DLG2: variants seen among roughly 807,000 people sequenced by gnomAD.
The protein encoded by DLG2 is discs large MAGUK scaffold protein 2.
Under a neutral mutation model 132.5 loss-of-function variants are expected in DLG2, and 45 were observed. That is an observed-to-expected ratio of 0.34 (90% CI 0.27 to 0.44). DLG2 has a LOEUF of 0.44. Among genes scored for constraint, DLG2 ranks in the 20% least tolerant of loss-of-function variants. DLG2 has a pLI of 1.00. For missense variants in DLG2, 1,045 were observed against 1,196.9 expected (o/e 0.87, Z 1.87); for synonymous variants, 424 against 419.6 (o/e 1.01, Z -0.13).
intron 18 of DLG2, among the ~76,000 whole-genome samples, chr11:83,673,353 G>T (rs2077148990): frequency 6.6e-6 from 1 of 152,080 alleles, no homozygotes; most frequent in Non-Finnish European, 1.5e-5. Flanking sequence ...GTGTTTTATT[G>T]CTTTTTCTAA....
chr11:85,586,473 C>T (rs1223258656), intron 3 of DLG2, among the ~76,000 whole-genome samples: 1 of 152,154 alleles, frequency 6.6e-6, no homozygotes, highest in Non-Finnish European at 1.5e-5. Flanking sequence ...ATCTCCTCTA[C>T]ATTTTCTAGT....
chr11:84,625,507 C>T (rs1231165622), intron 6 of DLG2, among the ~76,000 whole-genome samples: 1 of 152,204 alleles, frequency 6.6e-6, no homozygotes, highest in Non-Finnish European at 1.5e-5. Context: ...CTTCTGGGAG[C>T]ATCTGCTTGT....
intron 11 of DLG2, among the ~76,000 whole-genome samples, chr11:83,997,730 CAAAAAAAAAAAAAAAAAAAAAA>C (rs71066079): frequency 4.0e-5 from 1 of 24,774 alleles, no homozygotes; most frequent in Non-Finnish European, 6.9e-5. Context: ...GACTCCATCT[CAAAAAAAAAAAAAAAAAAAAAA>C]AAAAAAAAAA....
intron 7 of DLG2, among the ~76,000 whole-genome samples, chr11:84,413,271 T>C (rs894683126): frequency 2.6e-5 from 4 of 152,186 alleles, no homozygotes; most frequent in Non-Finnish European, 5.9e-5. Flanking sequence ...TCCACCTGAA[T>C]CTGCTGATAT....
chr11:83,589,264 G>A (rs1299509187), intron 19 of DLG2, among the ~76,000 whole-genome samples: 7 of 151,064 alleles, frequency 4.6e-5, no homozygotes, highest in Admixed American at 1.3e-4. Context: ...CCCTCAAAGG[G>A]AAGCCCATCA....
At chr11:83,780,493 T>G (rs991316411) in intron 18 of DLG2, among the ~76,000 whole-genome samples, 1 of 152,212 alleles carries the variant, frequency 6.6e-6, no homozygotes. Context: ...CTATTCAAAT[T>G]TTCAAATTTT....
chr11:84,617,847 A>G (rs1457539972), intron 6 of DLG2, among the ~76,000 whole-genome samples: 10 of 152,152 alleles, frequency 6.6e-5, no homozygotes, highest in Non-Finnish European at 1.5e-4. Flanking sequence ...TATGCACTGG[A>G]AATCAAGGAA....
chr11:84,846,646 A>G (rs987650330), intron 6 of DLG2, among the ~76,000 whole-genome samples: 3 of 152,088 alleles, frequency 2.0e-5, no homozygotes, highest in African/African-American at 7.2e-5. Flanking sequence ...TATTGCCCCC[A>G]ATCAATCCTG....
intron 16 of DLG2, among the ~76,000 whole-genome samples, chr11:83,866,987 C>T (rs976355381): frequency 6.6e-6 from 1 of 152,156 alleles, no homozygotes; most frequent in South Asian, 2.1e-4. Flanking sequence ...TAATTCGGTA[C>T]ATTTCAAGGT....
At chr11:85,082,636 G>C (rs943328912) in intron 6 of DLG2, among the ~76,000 whole-genome samples, 4 of 151,764 alleles carry the variant, frequency 2.6e-5, no homozygotes, top group African/African-American at 7.3e-5. Context: ...AGCAAAAAGG[G>C]AAGGAGGAAA....
intron 6 of DLG2, among the ~76,000 whole-genome samples, chr11:84,666,548 T>C (rs2099699961): frequency 6.6e-6 from 1 of 151,942 alleles, no homozygotes; most frequent in South Asian, 2.1e-4. Flanking sequence ...GTCTGACACT[T>C]ACAGGAATCA....
chr11:84,558,804 T>C (rs1438114394), intron 6 of DLG2, among the ~76,000 whole-genome samples: 1 of 152,124 alleles, frequency 6.6e-6, no homozygotes, highest in African/African-American at 2.4e-5. Context: ...GGCTATTGAT[T>C]CCTTATCTTC....
chr11:84,478,759 C>T (rs1431124597), intron 7 of DLG2, among the ~76,000 whole-genome samples: 1 of 151,840 alleles, frequency 6.6e-6, no homozygotes, highest in African/African-American at 2.4e-5. Context: ...TTTTTTTCAA[C>T]ACAAAGTGTC....
intron 6 of DLG2, chr11:84,955,838 A>G (rs971625773): frequency 2.0e-5 from 3 of 152,236 alleles, no homozygotes; most frequent in Non-Finnish European, 2.9e-5. Flanking sequence ...GAAATAACTT[A>G]CAAATGGGTA....
In DLG2 at chr11:85,029,367, C is replaced by T. The variant is rs1048534547; in HGVS notation, c.357+82294G>A. Among the ~76,000 whole-genome samples, 7 of 152,312 alleles carry T rather than the reference C, an allele frequency of 4.6e-5. No homozygotes were observed. In the South Asian group the frequency reaches 8.3e-4, roughly 18 times the overall value. Reference sequence around the variant, plus strand: ...ATGTAGGTGACAATACAGGACTCTCCATGTGTCCACATGTCTTCACTGATG... The same window carrying T: ...ATGTAGGTGACAATACAGGACTCTCTATGTGTCCACATGTCTTCACTGATG... On this transcript the variant is annotated intron_variant, in intron 6 of 27. Transcript: ENST00000376104.
chr11:84,959,839 G>A lies in DLG2; in HGVS notation c.357+151822C>T, dbSNP rs535188773. The stretch of plus-strand genomic sequence containing the variant: ...ATATGAGTTGGATGTTCTCTTGGGC[G>A]TGGGAGAACTACAGGACAAAAGAAA... On this transcript the variant is annotated intron_variant, in intron 6 of 27. Coordinates refer to ENST00000376104, the MANE Select transcript of DLG2 (RefSeq NM_001142699.3). Among the ~76,000 whole-genome samples the A allele has an allele frequency of 6.6e-5, 10 of 152,190 alleles. No individual in the cohort carries two copies. In the East Asian group the frequency reaches 7.7e-4, roughly 12 times the overall value.
At chr11:85,498,994 A>T (rs564756686) in intron 3 of DLG2, among the ~76,000 whole-genome samples, 2 of 152,332 alleles carry the variant, frequency 1.3e-5, no homozygotes, top group East Asian at 3.9e-4. Context: ...AGCTGAAGAG[A>T]TCTAAAATCA....
chr11:84,308,783 C>G (rs1358487524), intron 7 of DLG2, among the ~76,000 whole-genome samples: 1 of 152,216 alleles, frequency 6.6e-6, no homozygotes, highest in East Asian at 1.9e-4. Flanking sequence ...GGCCCGGGTG[C>G]TAAGCCCGTC....
At chr11:84,655,738 G>GTTTT (rs5793131) in intron 6 of DLG2, among the ~76,000 whole-genome samples, 1 of 135,142 alleles carries the variant, frequency 7.4e-6, no homozygotes, top group Non-Finnish European at 1.6e-5. Context: ...TTTTTTGTTT[G>GTTTT]TTTTTTTTTT....
Sources: gnomAD v4.1 joint callset for allele counts (sites outside exome capture counted in the v4.1 genomes callset) on GRCh38, gnomAD v4.1.1 for gene constraint, MANE v1.5 for transcripts, NCBI Gene and HGNC (gene_info 2026-07-23, HGNC 2026-07-21) for gene names.